SYCE1: variants seen among roughly 807,000 people sequenced by gnomAD.
SYCE1 encodes cancer/testis antigen 76.
Under a neutral mutation model 55.1 loss-of-function variants are expected in SYCE1, and 37 were observed. The observed-to-expected ratio is 0.67, with a 90% CI of 0.52 to 0.88. The LOEUF is 0.88. Ranked by LOEUF, SYCE1 falls within the 40% of genes least tolerant of loss-of-function variation. The pLI is 0.00. For synonymous variants in SYCE1, 163 were observed against 159.4 expected (o/e 1.02, Z -0.17); for missense variants, 399 against 416.4 (o/e 0.96, Z 0.36).
At chr10:133,554,244 G>T, downstream of SYCE1, 1 of 1,586,194 alleles carries the variant, frequency 6.3e-7, no homozygotes, top group Non-Finnish European at 8.7e-7. Flanking sequence ...ACTTTGCCAT[G>T]TTCCATTTTT....
At chr10:133,560,451 G>C in intron 1 of SYCE1, 1 of 212,526 alleles carries the variant, frequency 4.7e-6, no homozygotes, top group Admixed American at 5.8e-5. Context: ...AAAAAAATGA[G>C]GGTATAAAAA....
In SYCE1 at chr10:133,565,482, G is replaced by T; in HGVS notation, c.48C>A (p.Ala16=). 1.3e-6 allele frequency: 2 copies of T among 1,550,116 alleles called. No homozygotes were observed. Among genetic ancestry groups the T allele is most frequent in the Non-Finnish European group, 8.7e-7 (1 of 1,146,760 alleles). ...LTSKAEPTAG[A]VDRAEKAGGQ... ...CTCCGGCCTTCTCAGCCCTGTCCAC[G>T]GCTCCTGCGGTGGGCTCGGCCTTCG... Residue 16 remains alanine (A), a synonymous_variant, in exon 1 of 13, where the codon GCC becomes GCA. Coordinates refer to ENST00000343131, the MANE Select transcript of SYCE1 (RefSeq NM_001143764.3).
chr10:133,568,108 C>A, upstream of SYCE1: 1 of 733,744 alleles, frequency 1.4e-6, no homozygotes, highest in South Asian at 1.5e-5. Flanking sequence ...GCCGCAGCAG[C>A]CCCAGGGCAC....
rs1851906753 is a variant in SYCE1, at chr10:133,565,474, C to T, written c.56G>A (p.Arg19Lys). The T allele has an allele frequency of 6.5e-7, 1 of 1,550,048 alleles. No individual in the cohort carries two copies. The highest frequency in any genetic ancestry group is 8.7e-7 in the Non-Finnish European group (1 of 1,146,716). Residue 19 changes from arginine (R) to lysine (K), a missense_variant, in exon 1 of 13, where the codon AGG (arginine) becomes AAG (lysine). Coordinates refer to ENST00000343131, the MANE Select transcript of SYCE1 (RefSeq NM_001143764.3). Reference sequence around the variant, plus strand: ...ACCACTACCTCCGGCCTTCTCAGCCCTGTCCACGGCTCCTGCGGTGGGCTC... The same window carrying T: ...ACCACTACCTCCGGCCTTCTCAGCCTTGTCCACGGCTCCTGCGGTGGGCTC... The part of the protein sequence containing the change: ...KAEPTAGAVD[R>K]AEKAGGQDTS...
intron 1 of SYCE1, among the ~76,000 whole-genome samples, chr10:133,562,261 A>G (rs12256864): frequency 1.2e-3 from 168 of 143,092 alleles, no homozygotes; most frequent in African/African-American, 4.2e-3. Context: ...CTAACATCCA[A>G]TGTGTGTGTG....
intron 4 of SYCE1, chr10:133,558,466 A>G: frequency 3.5e-6 from 2 of 575,582 alleles, no homozygotes; most frequent in Non-Finnish European, 6.2e-6. Flanking sequence ...GAGAGAAAAA[A>G]TACCAACACC....
At chr10:133,567,502 G>T (rs919446225), upstream of SYCE1, among the ~76,000 whole-genome samples, 1 of 152,108 alleles carries the variant, frequency 6.6e-6, no homozygotes, top group East Asian at 1.9e-4. Flanking sequence ...TGGTTTTCCT[G>T]CTTGGGAATG....
rs1851670321 is a variant in SYCE1 at position 133,555,947 on chromosome 10, T to A, written c.595+34A>T. 2.5e-6 allele frequency: 4 copies of A among 1,613,698 alleles called. No individual in the cohort carries two copies. The East Asian group carries it at 8.9e-5, about 36-fold the overall frequency. On this transcript the variant is annotated intron_variant, in intron 9 of 12. Transcript: ENST00000343131. ...GGTGAGCACATGAAGGCACGTGAGGTCAGATATGGGCCATCCACCTTCCCT... is the reference window on the plus strand; with the variant it reads ...GGTGAGCACATGAAGGCACGTGAGGACAGATATGGGCCATCCACCTTCCCT...
At chr10:133,554,213 G>T, downstream of SYCE1, 1 of 1,383,270 alleles carries the variant, frequency 7.2e-7, no homozygotes. Flanking sequence ...GTCTGTCCTG[G>T]ACTGACTGAA....
At chr10:133,565,691 A>G (rs1011409383), upstream of SYCE1, 1 of 669,420 alleles carries the variant, frequency 1.5e-6, no homozygotes, top group Non-Finnish European at 2.4e-6. Context: ...GCGTGGCACT[A>G]GTGCGCATGC....
chr10:133,568,126 G>A (rs142856797), upstream of SYCE1: 2,085 of 794,932 alleles, frequency 2.6e-3, 22 homozygotes, highest in African/African-American at 0.031. Context: ...CACTGAGGGC[G>A]CCACCCAGCC....
upstream of SYCE1, among the ~76,000 whole-genome samples, chr10:133,567,078 G>T (rs114500012): frequency 3.3e-3 from 507 of 151,670 alleles, 2 homozygotes; most frequent in African/African-American, 0.012. Flanking sequence ...TAGGTTTATG[G>T]CTAGCATTAG....
chr10:133,565,086 T>C (rs1487218043), intron 1 of SYCE1, among the ~76,000 whole-genome samples: 1 of 152,178 alleles, frequency 6.6e-6, no homozygotes, highest in Non-Finnish European at 1.5e-5. Flanking sequence ...ATCTGGACAC[T>C]TGCTGGTTCT....
intron 2 of SYCE1, chr10:133,559,616 T>G: frequency 2.0e-6 from 1 of 489,768 alleles, no homozygotes; most frequent in Non-Finnish European, 3.7e-6. Context: ...AGCAAAGGAG[T>G]GGGAAGTGCT....
intron 1 of SYCE1, among the ~76,000 whole-genome samples, chr10:133,564,981 G>A (rs555934027): frequency 2.0e-3 from 311 of 151,906 alleles, no homozygotes; most frequent in Middle Eastern, 6.8e-3. Context: ...ACAAACGGGG[G>A]ATCTGCGTGG....
rs777167086 is a variant in SYCE1 at position 133,555,801 on chromosome 10, C to T, written c.698G>A (p.Ser233Asn). 6.8e-5 allele frequency: 109 copies of T among 1,613,236 alleles called. No individual in the cohort carries two copies. Among genetic ancestry groups the T allele is most frequent in the Admixed American group, 6.3e-4 (38 of 59,998 alleles). Residue 233 changes from serine (S) to asparagine (N), a missense_variant, in exon 10 of 13, where the codon AGC becomes AAC. By Grantham distance (46) the Ser-to-Asn change is conservative. Coordinates refer to ENST00000343131, the MANE Select transcript of SYCE1 (RefSeq NM_001143764.3). ...STLDEGLFLR[S>N]QEAAATVQLF... ...TTACACTGTGGCTGCAGCCTCCTGG[C>T]TGCGGAGAAAGAGTCCCTCATCAAG...
In SYCE1 at chr10:133,555,827, G is replaced by C. The variant is rs1851663072; in HGVS notation, c.672C>G (p.Thr224=). Residue 224 remains threonine, a synonymous_variant, in exon 10 of 13, where the codon ACC becomes ACG. Transcript: ENST00000343131. ...CSLCGAEGPS[T]LDEGLFLRSQ... Reference sequence around the variant, plus strand: ...TGCGGAGAAAGAGTCCCTCATCAAGGGTGGAGGGGCCCTCAGCCCCACACA... The same window carrying C: ...TGCGGAGAAAGAGTCCCTCATCAAGCGTGGAGGGGCCCTCAGCCCCACACA... The C allele has an allele frequency of 1.2e-6, 2 of 1,613,832 alleles. No homozygotes were observed. Among genetic ancestry groups the C allele is most frequent in the African/African-American group, 1.3e-5 (1 of 75,050 alleles).
chr10:133,567,180 T>A (rs1424027297), upstream of SYCE1, among the ~76,000 whole-genome samples: 1 of 150,804 alleles, frequency 6.6e-6, no homozygotes, highest in Non-Finnish European at 1.5e-5. Context: ...GTGTTGGATT[T>A]AGGGATTAGG....
Position 133,558,926 on chromosome 10 carries a change from T to C in SYCE1, c.222A>G (p.Leu74=). Residue 74 remains leucine, a synonymous_variant, in exon 4 of 13, where the codon CTA becomes CTG. Coordinates refer to ENST00000343131, the MANE Select transcript of SYCE1 (RefSeq NM_001143764.3). ...QQAKKKANKD[L]GEARTICEAL... is the part of the protein sequence containing the mutation. Reference sequence around the variant, plus strand: ...CCTCACAGATGGTCCGGGCCTCTCCTAGGTCTTTATTGGCTTTCTTTTTTG... The same window carrying C: ...CCTCACAGATGGTCCGGGCCTCTCCCAGGTCTTTATTGGCTTTCTTTTTTG... 1 of 1,611,894 alleles carries C rather than the reference T, an allele frequency of 6.2e-7. No individual in the cohort carries two copies.
Sources: gnomAD v4.1 joint callset for allele counts (sites outside exome capture counted in the v4.1 genomes callset) on GRCh38, gnomAD v4.1.1 for gene constraint, MANE v1.5 for transcripts, NCBI Gene and HGNC (gene_info 2026-07-23, HGNC 2026-07-21) for gene names.